The following NREP variants were observed in gnomAD, a reference collection of about 807,000 sequenced individuals.
NREP encodes the protein neuronal regeneration-related protein.
A neutral mutation model predicts 8.6 loss-of-function variants in NREP; 5 were observed. The observed-to-expected ratio is 0.58, with a 90% CI of 0.30 to 1.22. NREP has a LOEUF of 1.22. Among genes scored for constraint, NREP ranks in the 50% most tolerant of loss-of-function variants. The pLI is 0.07. For synonymous variants in NREP, 27 were observed against 28.0 expected, an observed-to-expected ratio of 0.96 and a Z score of 0.11; for missense variants, 86 against 82.5, an observed-to-expected ratio of 1.04 and a Z score of -0.17.
At chr5:111,920,060 C>A (rs189190869) in intron 2 of NREP, among the ~76,000 whole-genome samples, 1 of 149,374 alleles carries the variant, frequency 6.7e-6, no homozygotes, top group Non-Finnish European at 1.5e-5. Context: ...CTTGGAAGGT[C>A]ATACTCCATC....
intron 2 of NREP, among the ~76,000 whole-genome samples, chr5:111,915,322 C>A (rs7704226): frequency 3.3e-5 from 5 of 151,824 alleles, no homozygotes; most frequent in African/African-American, 9.7e-5. Context: ...TTACTCTTCT[C>A]TCTGTAATGC....
intron 2 of NREP, among the ~76,000 whole-genome samples, chr5:111,794,682 G>C (rs947636089): frequency 6.6e-6 from 1 of 152,192 alleles, no homozygotes; most frequent in African/African-American, 2.4e-5. Flanking sequence ...TAAGAGGTGA[G>C]AGGGATGAAT....
chr5:111,823,052 G>A (rs933355594), intron 2 of NREP, among the ~76,000 whole-genome samples: 3 of 152,230 alleles, frequency 2.0e-5, no homozygotes, highest in African/African-American at 7.2e-5. Flanking sequence ...ATCTGCATCT[G>A]GCAAGGGCCA....
intron 2 of NREP, among the ~76,000 whole-genome samples, chr5:111,777,343 GGTGTGTGTGTGAGTGT>G (rs1169320630): frequency 6.8e-6 from 1 of 147,760 alleles, no homozygotes; most frequent in African/African-American, 2.5e-5. Flanking sequence ...GTGTGGTGTG[GGTGTGTGTGTGAGTGT>G]GTGTGTGTGT....
chr5:111,913,794 T>C (rs547334986), intron 2 of NREP, among the ~76,000 whole-genome samples: 30 of 152,186 alleles, frequency 2.0e-4, no homozygotes, highest in East Asian at 1.2e-3. Flanking sequence ...AGGCTATTAC[T>C]ACAAAAAACT....
intron 2 of NREP, among the ~76,000 whole-genome samples, chr5:111,852,957 T>A (rs1363173065): frequency 4.6e-5 from 7 of 152,102 alleles, no homozygotes; most frequent in Admixed American, 2.0e-4. Flanking sequence ...TTGGGAGGAC[T>A]GAAAGAGCTT....
At chr5:111,747,629 A>G (rs184726306) in intron 2 of NREP, among the ~76,000 whole-genome samples, 337 of 152,262 alleles carry the variant, frequency 2.2e-3, no homozygotes, top group Non-Finnish European at 3.3e-3. Flanking sequence ...TTTATTGGCA[A>G]CAACTACTTG....
At chr5:111,799,930 G>GT (rs1346110785) in intron 2 of NREP, among the ~76,000 whole-genome samples, 2 of 151,878 alleles carry the variant, frequency 1.3e-5, no homozygotes, top group Non-Finnish European at 2.9e-5. Flanking sequence ...TGTAATTTTT[G>GT]TTTTTTTGAG....
chr5:111,820,385 C>T (rs990895830), intron 2 of NREP, among the ~76,000 whole-genome samples: 1 of 152,144 alleles, frequency 6.6e-6, no homozygotes, highest in Non-Finnish European at 1.5e-5. Context: ...GATTTTGGAG[C>T]TGCAAGTAAG....
At chr5:111,878,997 A>G (rs1753980665) in intron 2 of NREP, among the ~76,000 whole-genome samples, 1 of 152,214 alleles carries the variant, frequency 6.6e-6, no homozygotes, top group African/African-American at 2.4e-5. Context: ...TGTGACCACC[A>G]ATGTTAGAAG....
At chr5:111,839,975 A>G (rs141419500) in intron 2 of NREP, among the ~76,000 whole-genome samples, 246 of 152,130 alleles carry the variant, frequency 1.6e-3, no homozygotes, top group African/African-American at 5.7e-3. Context: ...AACGCATCCA[A>G]ATTGCTAACA....
intron 1 of NREP, chr5:111,756,357 T>C (rs908135669): frequency 1.2e-5 from 7 of 573,602 alleles, no homozygotes; most frequent in African/African-American, 2.1e-5. Context: ...ATATACACCA[T>C]TCTGTCCTTC....
intron 2 of NREP, among the ~76,000 whole-genome samples, chr5:111,775,275 A>T (rs1323810689): frequency 6.6e-6 from 1 of 152,166 alleles, no homozygotes; most frequent in Non-Finnish European, 1.5e-5. Flanking sequence ...TCCTCATTTT[A>T]AGGGCATTTT....
chr5:111,941,415 T>C (rs1158218595), intron 2 of NREP, among the ~76,000 whole-genome samples: 1 of 152,040 alleles, frequency 6.6e-6, no homozygotes, highest in East Asian at 1.9e-4. Flanking sequence ...GTCAGCAGAA[T>C]TGATTTCTTC....
chr5:111,921,075 C>T (rs183804462), intron 2 of NREP, among the ~76,000 whole-genome samples: 8 of 152,252 alleles, frequency 5.3e-5, no homozygotes, highest in South Asian at 2.1e-4. Flanking sequence ...AGAAGACAGA[C>T]GCTTTTTGTT....
chr5:111,881,392 G>T (rs535312135), intron 2 of NREP, among the ~76,000 whole-genome samples: 12 of 152,258 alleles, frequency 7.9e-5, no homozygotes, highest in Non-Finnish European at 1.0e-4. Context: ...CTTCACCTCT[G>T]GGGGGCAGGG....
intron 2 of NREP, among the ~76,000 whole-genome samples, chr5:111,764,555 T>C (rs1185973876): frequency 6.6e-6 from 1 of 152,122 alleles, no homozygotes; most frequent in East Asian, 1.9e-4. Flanking sequence ...GAGAGCAGCA[T>C]GGGAAATACT....
chr5:111,751,742 T>G (rs1750374574), intron 2 of NREP, among the ~76,000 whole-genome samples: 1 of 152,218 alleles, frequency 6.6e-6, no homozygotes, highest in Admixed American at 6.5e-5. Flanking sequence ...GGCAAATCCT[T>G]CACTCCTACA....
At chr5:111,888,926 A>G (rs1320095885) in intron 2 of NREP, among the ~76,000 whole-genome samples, 1 of 152,242 alleles carries the variant, frequency 6.6e-6, no homozygotes, top group Admixed American at 6.5e-5. Flanking sequence ...GGTTGTGATC[A>G]TCAGTGGATT....
Sources: gnomAD v4.1 joint callset for allele counts (sites outside exome capture counted in the v4.1 genomes callset) on GRCh38, gnomAD v4.1.1 for gene constraint, MANE v1.5 for transcripts, NCBI Gene and HGNC (gene_info 2026-07-23, HGNC 2026-07-21) for gene names.